Variants in PRDM14 observed in about 807,000 individuals in gnomAD.
PRDM14 encodes the protein PR domain zinc finger protein 14.
In PRDM14, 16 loss-of-function variants were observed where a neutral mutation model predicts 48.0. The observed-to-expected ratio is 0.33, with a 90% CI of 0.23 to 0.51. The LOEUF is 0.51. Ranked by LOEUF, PRDM14 falls within the 20% of genes least tolerant of loss-of-function variation. PRDM14 has a pLI of 0.97. For missense variants in PRDM14, 566 were observed against 719.6 expected, an observed-to-expected ratio of 0.79 and a Z score of 2.44; for synonymous variants, 264 against 276.6, an observed-to-expected ratio of 0.95 and a Z score of 0.45.
At chr8:70,056,925 G>C (rs1020085337) in intron 6 of PRDM14, among the ~76,000 whole-genome samples, 1 of 149,978 alleles carries the variant, frequency 6.7e-6, no homozygotes, top group African/African-American at 2.5e-5. Flanking sequence ...CATCAGTCCT[G>C]TCATCTACTG....
Position 70,058,742 on chromosome 8 carries a change from G to A in PRDM14, c.1284C>T (p.Gly428=), listed in dbSNP as rs889634373. The A allele has an allele frequency of 1.4e-5, 22 of 1,613,830 alleles. No homozygotes were observed. The highest frequency in any genetic ancestry group is 1.2e-4 in the African/African-American group (9 of 74,882). Residue 428 remains glycine, a synonymous_variant, in exon 6 of 8, where the codon GGC becomes GGT. Transcript: ENST00000276594. The stretch of plus-strand genomic sequence containing the variant: ...AGAGAGAACAGGGAAATTTCCTATC[G>A]CCCTTGTCCACACAGGGGGTGTACT... ...HLKYTPCVDK[G]DRKFPCSLCK... is the part of the protein sequence containing the mutation.
rs535884858 is a variant in PRDM14 at position 70,051,735 on chromosome 8, T to C, written c.*342A>G. On this transcript the variant is annotated 3_prime_UTR_variant, in exon 8 of 8. Coordinates refer to ENST00000276594, the MANE Select transcript of PRDM14 (RefSeq NM_024504.4). ...AGAGAGAATCCGAATCTCTTGTTTTTACATTGTCTCCACACTCTTGAGGGC... is the reference window on the plus strand; with the variant it reads ...AGAGAGAATCCGAATCTCTTGTTTTCACATTGTCTCCACACTCTTGAGGGC... 3.3e-5 allele frequency: 6 copies of C among 182,494 alleles called. No individual in the cohort carries two copies. Among genetic ancestry groups the C allele is most frequent in the East Asian group, 1.4e-4 (1 of 7,216 alleles). 11.3% of individuals were successfully genotyped at this position (182,494 alleles called of 1,614,324 possible). A position where few individuals can be genotyped will look rare whatever the true frequency, so the allele number is the denominator to read the frequency against.
At chr8:70,055,925 T>C (rs1805465803) in intron 6 of PRDM14, among the ~76,000 whole-genome samples, 1 of 152,166 alleles carries the variant, frequency 6.6e-6, no homozygotes, top group South Asian at 2.1e-4. Flanking sequence ...ATTGGTTAAA[T>C]CTGGAATCTT....
chr8:70,066,610 C>T (rs1805673664), intron 4 of PRDM14, 105 bp from the exon 5 acceptor site: 6 of 802,290 alleles, frequency 7.5e-6, no homozygotes, highest in Non-Finnish European at 1.2e-5. Context: ...TTGAGTCCAC[C>T]AAATACACTT....
chr8:70,059,188 C>A (rs1226503894), intron 5 of PRDM14, among the ~76,000 whole-genome samples: 1 of 152,100 alleles, frequency 6.6e-6, no homozygotes, highest in East Asian at 1.9e-4. Flanking sequence ...CTCCTGACCT[C>A]AGGTGATCAG....
intron 6 of PRDM14, among the ~76,000 whole-genome samples, chr8:70,058,144 G>A (rs1234537485): frequency 6.6e-6 from 1 of 152,170 alleles, no homozygotes; most frequent in Non-Finnish European, 1.5e-5. Context: ...TCGGCCCACT[G>A]TAGAGGCCTT....
intron 5 of PRDM14, among the ~76,000 whole-genome samples, chr8:70,064,686 G>A (rs147962855): frequency 0.014 from 2,055 of 150,752 alleles, 58 homozygotes; most frequent in African/African-American, 0.046. Context: ...CACCACGCCC[G>A]GCTAATTTTT....
At position 70,069,289 on chromosome 8, in the gene PRDM14, G is replaced by A. The variant is rs755165141; in HGVS notation, c.572C>T (p.Ser191Phe). The A allele has an allele frequency of 2.5e-6, 4 of 1,611,856 alleles. No homozygotes were observed. Among genetic ancestry groups the A allele is most frequent in the South Asian group, 1.1e-5 (1 of 90,556 alleles). The part of the protein sequence containing the change: ...GPKPSNQEGK[S>F]PARFQFTEED... ...CTCCGTGAACTGGAACCGAGCAGGG[G>A]ACTTCCCTTCTTGGTTGGAGGGTTT... Residue 191 changes from serine to phenylalanine, a missense_variant, in exon 2 of 8, where the codon TCC becomes TTC. By Grantham distance (155) the Ser-to-Phe change is radical. Around this residue, in one of 3 missense-constraint regions of PRDM14, gnomAD observed 410 missense variants for 424.6 expected, o/e 0.97. Transcript: ENST00000276594.
intron 5 of PRDM14, among the ~76,000 whole-genome samples, chr8:70,061,269 T>C (rs1257085908): frequency 1.3e-5 from 2 of 152,124 alleles, no homozygotes; most frequent in African/African-American, 2.4e-5. Flanking sequence ...TGACTATGAA[T>C]GCACCACAGA....
At chr8:70,064,114 GC>G (rs1160833291) in intron 5 of PRDM14, among the ~76,000 whole-genome samples, 3 of 152,086 alleles carry the variant, frequency 2.0e-5, no homozygotes, top group Admixed American at 6.5e-5. Flanking sequence ...GGGGAACCCA[GC>G]ATGGACATAA....
chr8:70,052,364 A>T, intron 7 of PRDM14, 60 bp from the exon 8 acceptor site: 1 of 1,367,474 alleles, frequency 7.3e-7, no homozygotes, highest in Non-Finnish European at 1.0e-6. Context: ...CTGGACAACC[A>T]ATTAAACTAA....
intron 7 of PRDM14, 50 bp from the exon 8 acceptor site, chr8:70,052,354 C>T: frequency 1.4e-6 from 2 of 1,445,786 alleles, no homozygotes; most frequent in Non-Finnish European, 1.9e-6. Flanking sequence ...CTTCCACGAG[C>T]TGGACAACCA....
Position 70,069,221 on chromosome 8 carries a change from C to T in PRDM14, c.640G>A (p.Glu214Lys), listed in dbSNP as rs1294659812. Residue 214 changes from glutamate (E) to lysine (K), a missense_variant, in exon 2 of 8, where the codon GAG (glutamate) becomes AAG (lysine). Physicochemically the swap from Glu to Lys is moderately conservative, Grantham distance 56 (BLOSUM62 1). Transcript: ENST00000276594. ...GCATGGTGCAGGCTGGCTGGGTGCT[C>T]CAGGCTGGGAGTGACCCCGTACAGA... Reference protein sequence around the residue: ...FVLYGVTPSLEHPASLHHAIS... With the variant: ...FVLYGVTPSLKHPASLHHAIS... 12 of 1,573,804 alleles carry T rather than the reference C, an allele frequency of 7.6e-6. No individual in the cohort carries two copies. The highest frequency in any genetic ancestry group is 3.4e-4 in the Middle Eastern group (2 of 5,852).
Position 70,052,182 on chromosome 8 carries a change from C to G in PRDM14, c.1611G>C (p.Arg537=). The stretch of plus-strand genomic sequence containing the variant: ...AGCCATCATCCTCCTTGTGTGAACG[C>G]CGGACATGGCTGTCATGGGCAGCAT... The part of the protein sequence containing the change: ...ASHAAHDSHV[R]RSHKEDDGCS... Residue 537 remains arginine (R), a synonymous_variant, in exon 8 of 8, where the codon CGG becomes CGC. Transcript: ENST00000276594. The G allele has an allele frequency of 6.2e-7, 1 of 1,613,848 alleles. No individual in the cohort carries two copies. Among genetic ancestry groups the G allele is most frequent in the African/African-American group, 1.3e-5 (1 of 75,048 alleles).
At chr8:70,055,454 C>A (rs1403477145) in intron 6 of PRDM14, 53 bp from the exon 7 acceptor site, 7 of 1,030,320 alleles carry the variant, frequency 6.8e-6, no homozygotes, top group Non-Finnish European at 9.1e-6. Context: ...CTAACAAGTC[C>A]ATTTCAACCT....
chr8:70,053,323 T>G (rs1805419901), intron 7 of PRDM14, among the ~76,000 whole-genome samples: 2 of 151,114 alleles, frequency 1.3e-5, no homozygotes, highest in African/African-American at 4.9e-5. Flanking sequence ...CCTTACTGGT[T>G]TTCTTCTTCT....
rs1805522770 is a variant in PRDM14, at chr8:70,058,698, T to C, written c.1328A>G (p.Lys443Arg). Residue 443 changes from lysine (K) to arginine (R), a missense_variant, in exon 6 of 8, where the codon AAG (lysine) becomes AGG (arginine). This residue lies in a region of PRDM14 where 126 missense variants were observed against 271.6 expected (regional missense o/e 0.46). Transcript: ENST00000276594. ...AATGTGGATCCGAAGCCGGTCCCGCTTCTCAAAGGATCGTTTGCAGAGAGA... is the reference window on the plus strand; with the variant it reads ...AATGTGGATCCGAAGCCGGTCCCGCCTCTCAAAGGATCGTTTGCAGAGAGA... The part of the protein sequence containing the change: ...PCSLCKRSFE[K>R]RDRLRIHILH... The C allele has an allele frequency of 6.2e-7, 1 of 1,614,002 alleles. No individual in the cohort carries two copies. Among genetic ancestry groups the C allele is most frequent in the African/African-American group, 1.3e-5 (1 of 74,930 alleles).
At chr8:70,068,431 C>T (rs748112520) in intron 3 of PRDM14, 44 bp from the exon 4 acceptor site, 7 of 1,614,132 alleles carry the variant, frequency 4.3e-6, no homozygotes, top group South Asian at 1.1e-5. Context: ...GGAGAGTTGA[C>T]TCTGCATTAG....
intron 6 of PRDM14, 136 bp from the exon 7 acceptor site, chr8:70,055,537 A>C: frequency 1.9e-6 from 1 of 524,706 alleles, no homozygotes; most frequent in Non-Finnish European, 3.4e-6. Context: ...ACGGGATCTC[A>C]ATTTGTTACC....
Sources: gnomAD v4.1 joint callset for allele counts (sites outside exome capture counted in the v4.1 genomes callset) on GRCh38, gnomAD v4.1.1 for gene constraint, gnomAD v4.1.1 regional missense constraint, MANE v1.5 for transcripts, NCBI Gene and HGNC (gene_info 2026-07-23, HGNC 2026-07-21) for gene names.